ZFP64: variants seen among roughly 807,000 people sequenced by gnomAD.
ZFP64 encodes the protein zinc finger protein 64.
A neutral mutation model predicts 51.6 loss-of-function variants in ZFP64; 14 were observed. That is an observed-to-expected ratio of 0.27 (90% CI 0.18 to 0.42). The LOEUF is 0.42. Among genes scored for constraint, ZFP64 ranks in the 10% least tolerant of loss-of-function variants. The pLI is 1.00. For synonymous variants in ZFP64, 375 were observed against 361.4 expected, an observed-to-expected ratio of 1.04 and a Z score of -0.43; for missense variants, 754 against 906.8, an observed-to-expected ratio of 0.83 and a Z score of 2.16.
Position 52,160,966 on chromosome 20 carries a change from G to A in ZFP64, c.512-592C>T, listed in dbSNP as rs1419947746. On this transcript the variant is annotated intron_variant, in intron 4 of 5. Coordinates refer to ENST00000216923, the MANE Select transcript of ZFP64 (RefSeq NM_018197.3). The surrounding 1 kb of genome is among the most constrained non-coding windows in gnomAD (Gnocchi z 4.2). ...CATGGGGATAAGGCAGCAGGTGAGG[G>A]CAGGTGAGTGAGTCGGTGAGCGCAG... Among the ~76,000 whole-genome samples, 1 of 151,686 alleles carries A rather than the reference G, an allele frequency of 6.6e-6. No individual in the cohort carries two copies. Among genetic ancestry groups the A allele is most frequent in the Non-Finnish European group, 1.5e-5 (1 of 67,820 alleles).
At chr20:52,145,800 G>A (rs1980496635) in intron 5 of ZFP64, among the ~76,000 whole-genome samples, 1 of 152,072 alleles carries the variant, frequency 6.6e-6, no homozygotes, top group Non-Finnish European at 1.5e-5. Flanking sequence ...GAAGGCCTAG[G>A]TCATGACTGT....
At chr20:52,112,535 A>T (rs1318780299) in intron 5 of ZFP64, among the ~76,000 whole-genome samples, 1 of 152,212 alleles carries the variant, frequency 6.6e-6, no homozygotes, top group Non-Finnish European at 1.5e-5. Context: ...AAAGATACAA[A>T]AACAAAGTAT....
At chr20:52,172,445 T>C (rs1015741356) in intron 2 of ZFP64, among the ~76,000 whole-genome samples, 4 of 152,096 alleles carry the variant, frequency 2.6e-5, no homozygotes, top group African/African-American at 9.7e-5. Context: ...TCTTGAGAAT[T>C]CTCAGTGGAC....
intron 5 of ZFP64, chr20:52,111,072 GC>G: frequency 8.6e-7 from 1 of 1,163,264 alleles, no homozygotes; most frequent in Non-Finnish European, 1.3e-6. Flanking sequence ...GGAGCAGGAA[GC>G]CCAGGAGAAG....
At position 52,098,588 on chromosome 20, in the gene ZFP64, C is replaced by G; in HGVS notation, c.764-1G>C. On this transcript the variant is annotated splice_acceptor_variant, in intron 5 of 8. Coordinates refer to the ZFP64 transcript ENST00000361387. LOFTEE classifies it high-confidence loss of function. ...GGAACATCATCATCAAGTTCTGAAG[C>G]TGAAATTGAGGCATAGTTTTGCTTA... 1 of 1,614,064 alleles carries G rather than the reference C, an allele frequency of 6.2e-7. No individual in the cohort carries two copies. The highest frequency in any genetic ancestry group is 8.5e-7 in the Non-Finnish European group (1 of 1,179,990).
chr20:52,111,161 G>A lies in ZFP64; in HGVS notation c.764-12574C>T, dbSNP rs933986227. 14 of 677,372 alleles carry A rather than the reference G, an allele frequency of 2.1e-5. No individual in the cohort carries two copies. In the African/African-American group the frequency reaches 2.1e-4, roughly 10 times the overall value. The allele number at this position is 677,372 out of a possible 1,614,324, so 42.0% of individuals were successfully genotyped here. On this transcript the variant is annotated intron_variant, in intron 5 of 8. Coordinates refer to the ZFP64 transcript ENST00000361387. Reference sequence around the variant, plus strand: ...CCGGGTTCCGCGACGGGGAGGTGGGGAAGCCGTAGTGGAGAACGCCCCAAG... The same window carrying A: ...CCGGGTTCCGCGACGGGGAGGTGGGAAAGCCGTAGTGGAGAACGCCCCAAG...
chr20:52,088,867 G>A, intron 7 of ZFP64: 2 of 698,750 alleles, frequency 2.9e-6, no homozygotes, highest in Non-Finnish European at 4.9e-6. Context: ...AAATCTGATT[G>A]ATGGAGAAAA....
At position 52,191,122 on chromosome 20, in the gene ZFP64, G is replaced by A. The variant is rs1050387667; in HGVS notation, c.46+469C>T. Among the ~76,000 whole-genome samples, 2 of 152,178 alleles carry A rather than the reference G, an allele frequency of 1.3e-5. No individual in the cohort carries two copies. Among genetic ancestry groups the A allele is most frequent in the African/African-American group, 2.4e-5 (1 of 41,460 alleles). ...AGATCTCCACCCTTAATGAGGAAAAGGCTTTGCAATGAGCCGGCAGGACCT... is the reference window on the plus strand; with the variant it reads ...AGATCTCCACCCTTAATGAGGAAAAAGCTTTGCAATGAGCCGGCAGGACCT... On this transcript the variant is annotated intron_variant, in intron 1 of 5. Transcript: ENST00000216923. This position sits in a 1 kb window ranked among gnomAD's most constrained non-coding sequence, Gnocchi z 4.3.
chr20:52,159,999 A>T lies in ZFP64; in HGVS notation c.763+124T>A, dbSNP rs1487144866. ...CAACAACAAAAAAAAACAAAACTGC[A>T]AACAACGGGATGAGCAAAGGTTCCA... On this transcript the variant is annotated intron_variant, in intron 5 of 5. Transcript: ENST00000216923. 6 of 1,513,142 alleles carry T rather than the reference A, an allele frequency of 4.0e-6. No individual in the cohort carries two copies. The African/African-American group carries it at 5.6e-5, about 14-fold the overall frequency. 93.7% of individuals were successfully genotyped at this position (1,513,142 alleles called of 1,614,324 possible). A position where few individuals can be genotyped will look rare whatever the true frequency, so the allele number is the denominator to read the frequency against.
intron 5 of ZFP64, among the ~76,000 whole-genome samples, chr20:52,122,503 CAAAA>C (rs71192596): frequency 4.4e-5 from 4 of 91,126 alleles, no homozygotes; most frequent in African/African-American, 4.5e-5. Flanking sequence ...GACTCCGTCT[CAAAA>C]AAAAAAAAAA....
At chr20:52,116,480 A>G (rs1978881387) in intron 5 of ZFP64, among the ~76,000 whole-genome samples, 1 of 150,900 alleles carries the variant, frequency 6.6e-6, no homozygotes, top group Non-Finnish European at 1.5e-5. Flanking sequence ...TAAGGAATGT[A>G]TTCATATACT....
chr20:52,129,459 G>A (rs951236992), intron 5 of ZFP64, among the ~76,000 whole-genome samples: 2 of 151,876 alleles, frequency 1.3e-5, no homozygotes, highest in South Asian at 2.1e-4. Context: ...GTACCCAGCC[G>A]CTCCAGCCTT....
chr20:52,162,895 A>G (rs966419557), intron 4 of ZFP64, among the ~76,000 whole-genome samples: 1 of 152,194 alleles, frequency 6.6e-6, no homozygotes, highest in Non-Finnish European at 1.5e-5. Flanking sequence ...CTCTGAAGGT[A>G]ACTAAGGTGA....
chr20:52,093,060 T>C (rs1435472377), intron 7 of ZFP64, among the ~76,000 whole-genome samples: 1 of 152,158 alleles, frequency 6.6e-6, no homozygotes, highest in African/African-American at 2.4e-5. Context: ...ACAAGAATTG[T>C]TGTCAAGGGC....
At chr20:52,096,223 C>T (rs759412632) in intron 7 of ZFP64, among the ~76,000 whole-genome samples, 2 of 152,204 alleles carry the variant, frequency 1.3e-5, no homozygotes, top group African/African-American at 2.4e-5. Context: ...CCTTGGTACT[C>T]GGTGTGGCCA....
intron 5 of ZFP64, among the ~76,000 whole-genome samples, chr20:52,134,074 G>A (rs1979855647): frequency 6.7e-6 from 1 of 150,212 alleles, no homozygotes; most frequent in South Asian, 2.1e-4. Flanking sequence ...CCCTATTGCA[G>A]GAAATCACAC....
chr20:52,095,647 G>C (rs769340383), intron 7 of ZFP64, among the ~76,000 whole-genome samples: 3 of 152,150 alleles, frequency 2.0e-5, no homozygotes, highest in Admixed American at 2.0e-4. Context: ...AGGGAGGCGC[G>C]TCTGCTTACC....
At chr20:52,188,309 T>C (rs950652812) in intron 1 of ZFP64, among the ~76,000 whole-genome samples, 1 of 80,372 alleles carries the variant, frequency 1.2e-5, no homozygotes, top group Non-Finnish European at 2.3e-5. Context: ...TTTTTCTTTC[T>C]TTTTTTTTTT....
chr20:52,115,948 C>T (rs1214100818), intron 5 of ZFP64, among the ~76,000 whole-genome samples: 1 of 152,204 alleles, frequency 6.6e-6, no homozygotes, highest in Non-Finnish European at 1.5e-5. Context: ...GATTCTCCTG[C>T]TTCAGCCTCC....
Sources: gnomAD v4.1 joint callset for allele counts (sites outside exome capture counted in the v4.1 genomes callset) on GRCh38, gnomAD v4.1.1 for gene constraint, Gnocchi (gnomAD v3.1) non-coding constraint, MANE v1.5 for transcripts, NCBI Gene and HGNC (gene_info 2026-07-23, HGNC 2026-07-21) for gene names.